Variants in SYNE2 observed in about 807,000 individuals in gnomAD.
SYNE2 encodes nesprin-2.
In SYNE2, 431 loss-of-function variants were observed where a neutral mutation model predicts 856.3. The observed-to-expected ratio is 0.50, with a 90% confidence interval of 0.47 to 0.55. SYNE2 has a LOEUF of 0.55. Ranked by LOEUF, SYNE2 falls within the 20% of genes least tolerant of loss-of-function variation. The probability of loss-of-function intolerance (pLI) is 0.00; values close to 1 mark genes in which losing one functional copy is unlikely to be tolerated. For missense variants in SYNE2, 8,129 were observed against 8,023.2 expected, an observed-to-expected ratio of 1.01 and a Z score of -0.50; for synonymous variants, 2,923 against 2,872.3, an observed-to-expected ratio of 1.02 and a Z score of -0.56.
intron 1 of SYNE2, among the ~76,000 whole-genome samples, chr14:63,895,775 CAAAAAAAAA>C (rs10544076): frequency 1.1e-5 from 1 of 92,624 alleles, no homozygotes; most frequent in African/African-American, 4.5e-5. Context: ...TCCAAATCTC[CAAAAAAAAA>C]AAAAAAAAAA....
intron 115 of SYNE2, 130 bp downstream of exon 115, chr14:64,225,175 C>A: frequency 2.6e-6 from 4 of 1,548,652 alleles, no homozygotes; most frequent in Non-Finnish European, 3.5e-6. Flanking sequence ...GGCTGGTTTT[C>A]TCCTCTGAAA....
chr14:64,201,002 A>G (rs901157963), intron 99 of SYNE2, among the ~76,000 whole-genome samples: 4 of 152,350 alleles, frequency 2.6e-5, no homozygotes, highest in East Asian at 1.9e-4. Context: ...TGATTGTAGC[A>G]TCATGTGGTC....
chr14:63,967,311 T>C (rs2096406989), intron 10 of SYNE2, among the ~76,000 whole-genome samples: 1 of 152,262 alleles, frequency 6.6e-6, no homozygotes, highest in Non-Finnish European at 1.5e-5. Context: ...ATGAACACTT[T>C]GAAAATCGCT....
chr14:63,847,190 G>A (rs139793082), intron 1 of SYNE2, among the ~76,000 whole-genome samples: 1 of 151,384 alleles, frequency 6.6e-6, no homozygotes, highest in East Asian at 2.0e-4. Context: ...CACGCCTATA[G>A]TACCAGTACT....
At chr14:63,790,213 T>G (rs922459630) in intron 1 of SYNE2, among the ~76,000 whole-genome samples, 1 of 151,964 alleles carries the variant, frequency 6.6e-6, no homozygotes, top group African/African-American at 2.4e-5. Flanking sequence ...GCACCTGTAG[T>G]CCCAGCTACT....
intron 98 of SYNE2, 156 bp downstream of exon 98, chr14:64,188,864 C>G (rs940299696): frequency 1.2e-6 from 1 of 800,066 alleles, no homozygotes; most frequent in Non-Finnish European, 2.1e-6. Context: ...TTTGAGAGAA[C>G]AGTTGGAAGA....
intron 96 of SYNE2, among the ~76,000 whole-genome samples, chr14:64,183,613 C>T (rs978674040): frequency 2.0e-5 from 3 of 152,222 alleles, no homozygotes; most frequent in South Asian, 2.1e-4. Context: ...CACTGCACTC[C>T]AGCCTGGGCA....
At chr14:63,864,892 G>A (rs556472794) in intron 1 of SYNE2, among the ~76,000 whole-genome samples, 4 of 152,236 alleles carry the variant, frequency 2.6e-5, no homozygotes, top group East Asian at 1.9e-4. Context: ...GTAATACTCC[G>A]TGTGCATACA....
chr14:63,983,343 A>C (rs2096600963), intron 17 of SYNE2, among the ~76,000 whole-genome samples: 1 of 152,164 alleles, frequency 6.6e-6, no homozygotes, highest in South Asian at 2.1e-4. Flanking sequence ...TCAGTTCTTG[A>C]ATCTTTCTTG....
chr14:64,002,085 A>G lies in SYNE2; in HGVS notation c.3786+4A>G. Reference sequence around the variant, plus strand: ...TCGCATCTATCAACACCTAAGGGTAAGTATATAAGTTCTCACAGTGTATTT... The same window carrying G: ...TCGCATCTATCAACACCTAAGGGTAGGTATATAAGTTCTCACAGTGTATTT... On this transcript the variant is annotated splice_donor_region_variant and intron_variant, in intron 29 of 115. Coordinates refer to ENST00000555002, the MANE Select transcript of SYNE2 (RefSeq NM_182914.3). 6.2e-7 allele frequency: 1 copy of G among 1,602,892 alleles called. No homozygotes were observed. Among genetic ancestry groups the G allele is most frequent in the Middle Eastern group, 1.7e-4 (1 of 6,038 alleles).
intron 2 of SYNE2, among the ~76,000 whole-genome samples, chr14:63,918,585 T>C (rs2095559428): frequency 1.3e-5 from 2 of 152,178 alleles, no homozygotes; most frequent in Admixed American, 1.3e-4. Context: ...TAATTTACTG[T>C]CGTTGAAGGT....
intron 10 of SYNE2, 57 bp downstream of exon 10, chr14:63,964,057 T>G (rs765380425): frequency 2.1e-4 from 236 of 1,106,356 alleles, no homozygotes; most frequent in Admixed American, 3.9e-4. Context: ...TGAGCGTAAG[T>G]ATGTTTTTAG....
At chr14:64,214,808 C>G (rs918783339) in intron 106 of SYNE2, among the ~76,000 whole-genome samples, 1 of 152,146 alleles carries the variant, frequency 6.6e-6, no homozygotes, top group Admixed American at 6.5e-5. Context: ...GGTGCGACCA[C>G]GGCTCATTGC....
intron 64 of SYNE2, among the ~76,000 whole-genome samples, chr14:64,106,042 C>T (rs567590709): frequency 6.7e-6 from 1 of 148,352 alleles, no homozygotes; most frequent in Non-Finnish European, 1.5e-5. Context: ...AGAGTGAGGC[C>T]CTGTCTCAAA....
rs1253579936 is a variant in SYNE2, at chr14:64,100,528, AAAAATATAT to A, written c.12382-1402_12382-1394del. ...CAAAACTGTCTCAAAAAAAAAAAAAAAAAATATATATATATATATATATATATATATATA... is the reference window on the plus strand; with the variant it reads ...CAAAACTGTCTCAAAAAAAAAAAAAAATATATATATATATATATATATATA... On this transcript the variant is annotated intron_variant, in intron 63 of 115. Transcript: ENST00000555002. 4.8e-4 allele frequency among the ~76,000 whole-genome samples: 36 copies of A among 74,402 alleles called. 1 individual carries two copies. Among genetic ancestry groups the A allele is most frequent in the African/African-American group, 2.2e-3 (30 of 13,810 alleles). 48.8% of individuals were successfully genotyped at this position (74,402 alleles called of 152,430 possible). A position where few individuals can be genotyped will look rare whatever the true frequency, so the allele number is the denominator to read the frequency against.
chr14:63,937,684 A>C (rs2095850213), intron 2 of SYNE2, among the ~76,000 whole-genome samples: 1 of 152,234 alleles, frequency 6.6e-6, no homozygotes, highest in South Asian at 2.1e-4. Flanking sequence ...TTTAGGGCCC[A>C]CTGGGGCTGC....
At chr14:63,865,711 C>CCG (rs1895041465) in intron 1 of SYNE2, among the ~76,000 whole-genome samples, 1 of 34,606 alleles carries the variant, frequency 2.9e-5, no homozygotes, top group Non-Finnish European at 6.8e-5. Flanking sequence ...AAACTCTGTA[C>CCG]CCACCCCCCC....
intron 19 of SYNE2, among the ~76,000 whole-genome samples, chr14:63,989,930 G>A (rs1010156822): frequency 2.6e-5 from 4 of 152,194 alleles, no homozygotes; most frequent in East Asian, 1.9e-4. Flanking sequence ...GATTACAGGC[G>A]TGAGCCACTG....
At chr14:64,193,877 T>G (rs2098529217) in intron 99 of SYNE2, among the ~76,000 whole-genome samples, 1 of 152,212 alleles carries the variant, frequency 6.6e-6, no homozygotes, top group Non-Finnish European at 1.5e-5. Context: ...TCAGTGTGAT[T>G]CTTCATTTTA....
Sources: gnomAD v4.1 joint callset for allele counts (sites outside exome capture counted in the v4.1 genomes callset) on GRCh38, gnomAD v4.1.1 for gene constraint, MANE v1.5 for transcripts, NCBI Gene and HGNC (gene_info 2026-07-23, HGNC 2026-07-21) for gene names.